The following CSMD1 variants were observed in gnomAD, a reference collection of about 807,000 sequenced individuals.
CSMD1 encodes the protein CUB and Sushi multiple domains 1, also known as CUB and sushi domain-containing protein 1.
In CSMD1, 213 loss-of-function variants were observed where a neutral mutation model predicts 417.5. The ratio of observed to expected loss-of-function variants is 0.51; its 90% confidence interval spans 0.46 to 0.57. The LOEUF (loss-of-function observed/expected upper bound fraction) is 0.57, where lower values mean the gene tolerates loss of function less well. Ranked by LOEUF, CSMD1 falls within the 20% of genes least tolerant of loss-of-function variation. The pLI is 0.00. For synonymous variants in CSMD1, 2,862 were observed against 1,736.8 expected (o/e 1.65, Z -16.11); for missense variants, 6,923 against 4,529.7 (o/e 1.53, Z -15.17).
chr8:4,264,416 C>G (rs1199916371), intron 3 of CSMD1, among the ~76,000 whole-genome samples: 2 of 152,160 alleles, frequency 1.3e-5, no homozygotes, highest in East Asian at 1.9e-4. Context: ...GCACATGTAT[C>G]TAAGGATCTA....
Position 4,198,555 on chromosome 8 carries a change from T to A in CSMD1, c.416-166456A>T, listed in dbSNP as rs1373359795. On this transcript the variant is annotated intron_variant, in intron 3 of 69. Coordinates refer to ENST00000635120, the MANE Select transcript of CSMD1 (RefSeq NM_033225.6). ...AGAAAGTGTCTAGAAATATGACACTTTCAGGAACGTGCACAAGGAATTTTT... is the reference window on the plus strand; with the variant it reads ...AGAAAGTGTCTAGAAATATGACACTATCAGGAACGTGCACAAGGAATTTTT... Among the ~76,000 whole-genome samples the A allele has an allele frequency of 3.3e-5, 5 of 152,274 alleles. No homozygotes were observed. In the East Asian group the frequency reaches 9.7e-4, roughly 29 times the overall value.
chr8:3,774,687 G>T (rs991406822), intron 5 of CSMD1, among the ~76,000 whole-genome samples: 1 of 152,120 alleles, frequency 6.6e-6, no homozygotes, highest in African/African-American at 2.4e-5. Flanking sequence ...TTTGACTAAT[G>T]CTAAGTGCAA....
chr8:3,448,019 C>T (rs930298627), intron 12 of CSMD1, among the ~76,000 whole-genome samples: 1 of 151,988 alleles, frequency 6.6e-6, no homozygotes. Context: ...CTGGGACCTC[C>T]TAACCCTGGA....
chr8:2,947,096 G>C (rs1294438383), intron 68 of CSMD1, among the ~76,000 whole-genome samples: 1 of 152,128 alleles, frequency 6.6e-6, no homozygotes, highest in East Asian at 1.9e-4. Flanking sequence ...AGCCATAAGA[G>C]TTCTTCGTAC....
At chr8:4,054,559 G>A (rs566702677) in intron 3 of CSMD1, among the ~76,000 whole-genome samples, 158 of 152,062 alleles carry the variant, frequency 1.0e-3, no homozygotes, top group Middle Eastern at 6.8e-3. Flanking sequence ...TCCCTCTTGC[G>A]GAGTTCAACC....
chr8:4,361,167 A>G (rs981447407), intron 3 of CSMD1, among the ~76,000 whole-genome samples: 2 of 152,226 alleles, frequency 1.3e-5, no homozygotes, highest in Non-Finnish European at 2.9e-5. Flanking sequence ...AATGGGCTAA[A>G]TTAGACTTAT....
At chr8:4,861,192 C>G (rs966539711) in intron 1 of CSMD1, among the ~76,000 whole-genome samples, 2 of 152,100 alleles carry the variant, frequency 1.3e-5, no homozygotes, top group African/African-American at 2.4e-5. Flanking sequence ...TGACATTTAT[C>G]TCAGAGACCT....
intron 5 of CSMD1, among the ~76,000 whole-genome samples, chr8:3,776,279 C>T (rs922678799): frequency 2.6e-5 from 4 of 152,146 alleles, no homozygotes; most frequent in African/African-American, 4.8e-5. Context: ...ATTCTATTCT[C>T]AGAACACTGT....
chr8:4,099,572 A>G (rs927058860), intron 3 of CSMD1, among the ~76,000 whole-genome samples: 4 of 152,122 alleles, frequency 2.6e-5, no homozygotes, highest in Non-Finnish European at 4.4e-5. Flanking sequence ...GGCATGGCAT[A>G]TATCAATCAA....
chr8:3,982,198 A>ATAATAATAATAATAAT (rs67611582), intron 5 of CSMD1, among the ~76,000 whole-genome samples: 1 of 81,020 alleles, frequency 1.2e-5, no homozygotes, highest in African/African-American at 3.9e-5. Context: ...AATATTAATA[A>ATAATAATAATAATAAT]AAAAAATAAT....
chr8:4,081,543 C>T (rs985756072), intron 3 of CSMD1, among the ~76,000 whole-genome samples: 1 of 152,132 alleles, frequency 6.6e-6, no homozygotes, highest in Non-Finnish European at 1.5e-5. Flanking sequence ...CGGAAAGGAA[C>T]CGAAGCTGTG....
chr8:3,114,656 G>C (rs1021511202), intron 42 of CSMD1, among the ~76,000 whole-genome samples: 2 of 152,000 alleles, frequency 1.3e-5, no homozygotes, highest in Non-Finnish European at 2.9e-5. Context: ...AGATTTTAAA[G>C]ACTGTATTTG....
At chr8:4,449,714 G>A (rs566634398) in intron 2 of CSMD1, among the ~76,000 whole-genome samples, 1 of 152,160 alleles carries the variant, frequency 6.6e-6, no homozygotes, top group Non-Finnish European at 1.5e-5. Flanking sequence ...GTATGGGGAA[G>A]AAATGCCAGA....
chr8:3,052,750 T>A, intron 49 of CSMD1, 103 bp from the exon 50 acceptor site: 1 of 814,880 alleles, frequency 1.2e-6, no homozygotes, highest in Non-Finnish European at 1.8e-6. Flanking sequence ...CCATTTTTCA[T>A]TAAAATTGTG....
At chr8:4,600,963 T>A (rs1244756706) in intron 2 of CSMD1, among the ~76,000 whole-genome samples, 2 of 151,474 alleles carry the variant, frequency 1.3e-5, no homozygotes, top group African/African-American at 4.9e-5. Context: ...TAGATTTTTT[T>A]TTTTTTTTTT....
chr8:4,074,820 G>T (rs996295566), intron 3 of CSMD1, among the ~76,000 whole-genome samples: 1 of 151,848 alleles, frequency 6.6e-6, no homozygotes, highest in African/African-American at 2.4e-5. Context: ...TTTCCATGAT[G>T]CCTTTTTCTT....
chr8:3,944,699 C>A (rs113313769), intron 5 of CSMD1, among the ~76,000 whole-genome samples: 11,183 of 152,158 alleles, frequency 0.073, 478 homozygotes, highest in Middle Eastern at 0.13. Flanking sequence ...TTGAAAATGC[C>A]TCAGGACATT....
chr8:3,472,497 T>C (rs1008283533), intron 11 of CSMD1, among the ~76,000 whole-genome samples: 17 of 152,212 alleles, frequency 1.1e-4, no homozygotes, highest in African/African-American at 3.4e-4. Flanking sequence ...CTGACAAAAC[T>C]CCAACTTGAG....
chr8:4,183,168 G>A (rs754505379), intron 3 of CSMD1, among the ~76,000 whole-genome samples: 3 of 152,136 alleles, frequency 2.0e-5, no homozygotes, highest in African/African-American at 7.2e-5. Flanking sequence ...CGTAAGTGCA[G>A]TATAGCCCTA....
Sources: gnomAD v4.1 joint callset for allele counts (sites outside exome capture counted in the v4.1 genomes callset) on GRCh38, gnomAD v4.1.1 for gene constraint, MANE v1.5 for transcripts, NCBI Gene and HGNC (gene_info 2026-07-23, HGNC 2026-07-21) for gene names.